The following ENTREP2 variants were observed in gnomAD, a reference collection of about 807,000 sequenced individuals.
ENTREP2 encodes protein ENTREP2.
At chr15:29,336,032 C>G in the ENTREP2 span, among the ~76,000 whole-genome samples, 1 of 150,376 alleles carries the variant, frequency 6.6e-6, no homozygotes, top group Non-Finnish European at 1.5e-5. Flanking sequence ...GTCCCAGCTG[C>G]TCAAGAGGCT....
the ENTREP2 span, among the ~76,000 whole-genome samples, chr15:29,583,092 C>T: frequency 9.3e-3 from 1,415 of 152,032 alleles, 27 homozygotes; most frequent in African/African-American, 0.032. Context: ...TGGGGGATCA[C>T]GGCAAAAAGA....
the ENTREP2 span, among the ~76,000 whole-genome samples, chr15:29,273,343 T>A: frequency 6.6e-6 from 1 of 151,792 alleles, no homozygotes; most frequent in Admixed American, 6.6e-5. Flanking sequence ...GGATTACAGG[T>A]GTGTACCACC....
the ENTREP2 span, among the ~76,000 whole-genome samples, chr15:29,657,270 A>G: frequency 6.6e-6 from 1 of 151,346 alleles, no homozygotes; most frequent in Non-Finnish European, 1.5e-5. Flanking sequence ...CGTATTAGCC[A>G]GGATGGTCGC....
At chr15:29,440,350 A>T in the ENTREP2 span, among the ~76,000 whole-genome samples, 17 of 152,210 alleles carry the variant, frequency 1.1e-4, no homozygotes, top group Non-Finnish European at 1.9e-4. Flanking sequence ...GATACCAGCC[A>T]AAGCACATCA....
chr15:29,283,050 A>G, the ENTREP2 span, among the ~76,000 whole-genome samples: 1 of 152,134 alleles, frequency 6.6e-6, no homozygotes, highest in Admixed American at 6.5e-5. Context: ...TCCAGCAAGA[A>G]TCTCTGGACC....
At chr15:29,456,104 C>G in the ENTREP2 span, among the ~76,000 whole-genome samples, 2 of 152,154 alleles carry the variant, frequency 1.3e-5, no homozygotes, top group South Asian at 2.1e-4. Context: ...ATCCCCACCC[C>G]CTCCCTGTCC....
the ENTREP2 span, among the ~76,000 whole-genome samples, chr15:29,427,716 C>A: frequency 6.6e-6 from 1 of 152,166 alleles, no homozygotes; most frequent in South Asian, 2.1e-4. Context: ...ATCTCCAAAC[C>A]CATAACTTCA....
chr15:29,489,921 C>T, the ENTREP2 span, among the ~76,000 whole-genome samples: 2 of 152,202 alleles, frequency 1.3e-5, no homozygotes, highest in African/African-American at 4.8e-5. Flanking sequence ...ACAAAGATCA[C>T]CACAAAAATG....
chr15:29,169,313 C>T, the ENTREP2 span, among the ~76,000 whole-genome samples: 8 of 152,014 alleles, frequency 5.3e-5, no homozygotes, highest in Non-Finnish European at 1.0e-4. Flanking sequence ...TTGTCAAGAA[C>T]ATTTTGGGAA....
chr15:29,222,938 T>C, the ENTREP2 span, among the ~76,000 whole-genome samples: 2,883 of 152,336 alleles, frequency 0.019, 97 homozygotes, highest in African/African-American at 0.065. Flanking sequence ...ATCTCATGAC[T>C]TTCAGAGCTA....
At chr15:29,154,654 C>A in the ENTREP2 span, among the ~76,000 whole-genome samples, 3 of 152,206 alleles carry the variant, frequency 2.0e-5, no homozygotes, top group African/African-American at 7.2e-5. Flanking sequence ...ACGGGGAATG[C>A]CACCCTCACT....
chr15:29,246,973 GCA>G, the ENTREP2 span, among the ~76,000 whole-genome samples: 7,784 of 136,972 alleles, frequency 0.057, 214 homozygotes, highest in African/African-American at 0.069. Context: ...GACTGGAAAG[GCA>G]CACACACACA....
chr15:29,309,606 T>G, the ENTREP2 span, among the ~76,000 whole-genome samples: 10 of 151,832 alleles, frequency 6.6e-5, no homozygotes, highest in African/African-American at 2.4e-4. Flanking sequence ...ACGGCCGACA[T>G]GGCAAAACCC....
chr15:29,211,150 C>A, the ENTREP2 span, among the ~76,000 whole-genome samples: 1 of 152,154 alleles, frequency 6.6e-6, no homozygotes, highest in African/African-American at 2.4e-5. Context: ...TCTTTTACTA[C>A]GAAGATTTCT....
At chr15:29,377,823 A>AATAAT in the ENTREP2 span, among the ~76,000 whole-genome samples, 3 of 113,018 alleles carry the variant, frequency 2.7e-5, no homozygotes, top group African/African-American at 7.8e-5. Flanking sequence ...TCTGTCTCAA[A>AATAAT]AATAATAATA....
At chr15:29,242,136 C>T in the ENTREP2 span, among the ~76,000 whole-genome samples, 1 of 152,306 alleles carries the variant, frequency 6.6e-6, no homozygotes, top group African/African-American at 2.4e-5. Flanking sequence ...TGCAGTGGCA[C>T]GATCTTGGCT....
At chr15:29,118,090 T>C in the ENTREP2 span, 3 of 147,926 alleles carry the variant, frequency 2.0e-5, no homozygotes, top group African/African-American at 5.0e-5. Context: ...AAGTCGGATC[T>C]AGTCCAGCTC....
At chr15:29,386,365 T>C in the ENTREP2 span, among the ~76,000 whole-genome samples, 1 of 152,158 alleles carries the variant, frequency 6.6e-6, no homozygotes, top group Non-Finnish European at 1.5e-5. Flanking sequence ...CCTACCCATC[T>C]TCATGTTCCC....
At chr15:29,470,168 G>A in the ENTREP2 span, among the ~76,000 whole-genome samples, 66 of 152,302 alleles carry the variant, frequency 4.3e-4, no homozygotes, top group African/African-American at 1.6e-3. Flanking sequence ...CAGTCACGGC[G>A]TGTGTGTGAA....
Sources: gnomAD v4.1 joint callset for allele counts (sites outside exome capture counted in the v4.1 genomes callset) on GRCh38, gnomAD v4.1.1 for gene constraint, MANE v1.5 for transcripts, NCBI Gene and HGNC (gene_info 2026-07-23, HGNC 2026-07-21) for gene names.